Variants in SUSD5 observed in about 807,000 individuals in gnomAD.
The protein encoded by SUSD5 is sushi domain containing 5, also known as sushi domain-containing protein 5.
A neutral mutation model predicts 29.5 loss-of-function variants in SUSD5; 33 were observed. The observed-to-expected ratio is 1.12, with a 90% CI of 0.85 to 1.49. The LOEUF (loss-of-function observed/expected upper bound fraction) is 1.49. SUSD5 is among the 40% of genes most tolerant of loss of function. The pLI is 0.00. For missense variants in SUSD5, 776 were observed against 800.6 expected (o/e 0.97, Z 0.37); for synonymous variants, 308 against 325.3 (o/e 0.95, Z 0.57).
At chr3:33,164,153 G>A (rs2031254941) in intron 4 of SUSD5, among the ~76,000 whole-genome samples, 2 of 152,042 alleles carry the variant, frequency 1.3e-5, no homozygotes, top group Non-Finnish European at 2.9e-5. Flanking sequence ...CAGCCTGGGC[G>A]ACAGAGCAAG....
At chr3:33,187,803 C>T (rs59190424) in intron 3 of SUSD5, among the ~76,000 whole-genome samples, 1 of 127,276 alleles carries the variant, frequency 7.9e-6, no homozygotes, top group African/African-American at 2.9e-5. Context: ...TCCTTCCCCC[C>T]TCCCCCCACC....
At chr3:33,183,054 C>G (rs922244989) in intron 3 of SUSD5, among the ~76,000 whole-genome samples, 3 of 152,196 alleles carry the variant, frequency 2.0e-5, no homozygotes, top group Admixed American at 2.0e-4. Flanking sequence ...CTTGGCCTCC[C>G]AAAGTGCTGG....
intron 3 of SUSD5, among the ~76,000 whole-genome samples, chr3:33,178,084 CATG>C (rs1010402584): frequency 6.6e-6 from 1 of 152,196 alleles, no homozygotes; most frequent in Non-Finnish European, 1.5e-5. Context: ...TACCCTTAAT[CATG>C]ATGTTAGCTG....
intron 2 of SUSD5, among the ~76,000 whole-genome samples, chr3:33,210,785 T>C (rs1026373360): frequency 1.3e-5 from 2 of 152,188 alleles, no homozygotes; most frequent in Non-Finnish European, 2.9e-5. Context: ...GAGAATAATA[T>C]GTTTTAAAAA....
In SUSD5 at chr3:33,153,833, C is replaced by A. The variant is rs1481257386; in HGVS notation, c.799G>T (p.Val267Leu). Residue 267 changes from valine (V) to leucine (L), a missense_variant, in exon 5 of 5, where the codon GTG becomes TTG. Transcript: ENST00000309558. Reference protein sequence around the residue: ...RENIARDKVFVPTTGLPGAGS... With the variant: ...RENIARDKVFLPTTGLPGAGS... ...GCACCAGGCAAGCCTGTGGTTGGCA[C>A]AAAGACTTTATCCCGGGCTATGTTT... The A allele has an allele frequency of 3.1e-6, 5 of 1,613,864 alleles. No homozygotes were observed. Among genetic ancestry groups the A allele is most frequent in the African/African-American group, 1.3e-5 (1 of 74,938 alleles).
At chr3:33,176,314 A>C (rs570700315) in intron 3 of SUSD5, among the ~76,000 whole-genome samples, 4 of 152,328 alleles carry the variant, frequency 2.6e-5, no homozygotes, top group African/African-American at 9.6e-5. Context: ...ACATCCATTT[A>C]CAGGTTTTTG....
At chr3:33,173,486 GATAA>G (rs772711983) in intron 4 of SUSD5, among the ~76,000 whole-genome samples, 33 of 152,324 alleles carry the variant, frequency 2.2e-4, no homozygotes, top group East Asian at 7.7e-4. Context: ...CAGCTGATTG[GATAA>G]ATAAATAGTG....
intron 3 of SUSD5, among the ~76,000 whole-genome samples, chr3:33,207,388 T>C (rs2032241649): frequency 6.6e-6 from 1 of 152,162 alleles, no homozygotes; most frequent in Non-Finnish European, 1.5e-5. Flanking sequence ...CTCAGGCTAC[T>C]GGAACCTTTT....
intron 4 of SUSD5, among the ~76,000 whole-genome samples, chr3:33,159,461 CCCTG>C (rs1278918411): frequency 1.3e-5 from 2 of 152,136 alleles, no homozygotes; most frequent in Non-Finnish European, 2.9e-5. Context: ...CCCCAGTGCT[CCCTG>C]CCTTTTTGTT....
At chr3:33,169,638 G>C (rs544416960) in intron 4 of SUSD5, among the ~76,000 whole-genome samples, 5 of 152,322 alleles carry the variant, frequency 3.3e-5, no homozygotes, top group Admixed American at 1.3e-4. Context: ...GTGAGTGTTT[G>C]GTTTATAACA....
At chr3:33,161,808 A>G (rs2031195042) in intron 4 of SUSD5, among the ~76,000 whole-genome samples, 1 of 152,174 alleles carries the variant, frequency 6.6e-6, no homozygotes, top group African/African-American at 2.4e-5. Context: ...AATTGTATGT[A>G]CTTAATAATA....
At chr3:33,192,404 T>A (rs1026090374) in intron 3 of SUSD5, among the ~76,000 whole-genome samples, 3 of 151,676 alleles carry the variant, frequency 2.0e-5, no homozygotes, top group Non-Finnish European at 1.5e-5. Flanking sequence ...AATGCACATA[T>A]CTTTAATTGG....
In SUSD5 at chr3:33,213,929, C is replaced by A. The variant is rs1166677615; in HGVS notation, c.289G>T (p.Gly97Ter). Residue 97 changes from glycine (G) to a stop codon, truncating the protein, a stop_gained and splice_region_variant, in exon 2 of 5, where the codon GGA (glycine) becomes TGA (stop). Transcript: ENST00000309558. LOFTEE classifies it high-confidence loss of function. ...AAAAGGAGTGCTCGCCTAACTTACC[C>A]AAGAGTACCATCTGCTAGCCAGCCA... ...TTGWLADGTL[G>*]TTVCSKGSGE... 1 of 1,593,638 alleles carries A rather than the reference C, an allele frequency of 6.3e-7. No individual in the cohort carries two copies. The highest frequency in any genetic ancestry group is 2.3e-5 in the East Asian group (1 of 44,354).
intron 4 of SUSD5, among the ~76,000 whole-genome samples, chr3:33,168,369 C>T (rs548306668): frequency 2.0e-5 from 3 of 152,276 alleles, no homozygotes; most frequent in Non-Finnish European, 4.4e-5. Context: ...AATTTTTGTT[C>T]CTGACAAGGA....
At chr3:33,159,122 A>G (rs901786587) in intron 4 of SUSD5, among the ~76,000 whole-genome samples, 5 of 152,202 alleles carry the variant, frequency 3.3e-5, no homozygotes, top group Admixed American at 6.5e-5. Context: ...AGGGAACAAC[A>G]TTTGCACAGA....
chr3:33,160,879 T>C (rs2031172220), intron 4 of SUSD5, among the ~76,000 whole-genome samples: 1 of 152,084 alleles, frequency 6.6e-6, no homozygotes, highest in African/African-American at 2.4e-5. Context: ...CCTACAGCCA[T>C]ACCAAATTAA....
chr3:33,176,919 T>C (rs1001265580), intron 3 of SUSD5, among the ~76,000 whole-genome samples: 6 of 152,232 alleles, frequency 3.9e-5, no homozygotes, highest in Non-Finnish European at 7.3e-5. Flanking sequence ...TGTGGGTCTA[T>C]TTCTGGGCTC....
chr3:33,212,367 CA>C (rs11374125), intron 2 of SUSD5, among the ~76,000 whole-genome samples: 1 of 151,810 alleles, frequency 6.6e-6, no homozygotes, highest in African/African-American at 2.4e-5. Flanking sequence ...TTTGTTTCTA[CA>C]AAAAAAACTA....
intron 3 of SUSD5, among the ~76,000 whole-genome samples, chr3:33,190,946 T>C (rs2031878512): frequency 6.6e-6 from 1 of 152,082 alleles, no homozygotes; most frequent in African/African-American, 2.4e-5. Flanking sequence ...CCCCAGCCCA[T>C]CAAATTCCAC....
Sources: gnomAD v4.1 joint callset for allele counts (sites outside exome capture counted in the v4.1 genomes callset) on GRCh38, gnomAD v4.1.1 for gene constraint, MANE v1.5 for transcripts, NCBI Gene and HGNC (gene_info 2026-07-23, HGNC 2026-07-21) for gene names.